Variants in PCDHGA7 observed in about 807,000 individuals in gnomAD.
PCDHGA7 encodes protocadherin gamma-A7.
A neutral mutation model predicts 58.3 loss-of-function variants in PCDHGA7; 44 were observed. The observed-to-expected ratio is 0.75, with a 90% confidence interval of 0.59 to 0.97. The LOEUF (loss-of-function observed/expected upper bound fraction) is 0.97. Among genes scored for constraint, PCDHGA7 ranks in the 50% least tolerant of loss-of-function variants. The pLI, the probability that PCDHGA7 is intolerant of heterozygous loss-of-function variation, is 0.00. For missense variants in PCDHGA7, 1,266 were observed against 1,188.7 expected (o/e 1.06, Z -0.96); for synonymous variants, 516 against 504.2 (o/e 1.02, Z -0.31).
chr5:141,489,354 G>A lies in PCDHGA7; in HGVS notation c.2425-5453G>A, dbSNP rs773010251. On this transcript the variant is annotated intron_variant, in intron 1 of 3. Coordinates refer to ENST00000518325, the MANE Select transcript of PCDHGA7 (RefSeq NM_018920.4). The surrounding 1 kb of genome is among the most constrained non-coding windows in gnomAD (Gnocchi z 4.5). ...AGCTTCGTTACTCAGTGGTGGAGGA[G>A]TCTGAGCCGGGGACGCTGGTGGGGA... The A allele has an allele frequency of 1.2e-5, 19 of 1,612,796 alleles. No homozygotes were observed. Among genetic ancestry groups the A allele is most frequent in the East Asian group, 2.2e-5 (1 of 44,868 alleles).
In PCDHGA7 at chr5:141,493,211, G is replaced by C. The variant is rs1312763933; in HGVS notation, c.2425-1596G>C. Reference sequence around the variant, plus strand: ...CTCCTTTGAGAACCTCATCTCATTTGCTCTTCCCACCATTGCTGTTGGCTA... The same window carrying C: ...CTCCTTTGAGAACCTCATCTCATTTCCTCTTCCCACCATTGCTGTTGGCTA... On this transcript the variant is annotated intron_variant, in intron 1 of 3. Transcript: ENST00000518325. The surrounding 1 kb of genome is among the most constrained non-coding windows in gnomAD (Gnocchi z 4.3). 6.6e-6 allele frequency among the ~76,000 whole-genome samples: 1 copy of C among 152,180 alleles called. No individual in the cohort carries two copies. The highest frequency in any genetic ancestry group is 2.4e-5 in the African/African-American group (1 of 41,436).
Position 141,399,846 on chromosome 5 carries a change from G to T in PCDHGA7, c.2424+14523G>T, listed in dbSNP as rs377634920. 19 of 1,612,980 alleles carry T rather than the reference G, an allele frequency of 1.2e-5. No homozygotes were observed. The highest frequency in any genetic ancestry group is 5.3e-5 in the African/African-American group (4 of 75,050). On this transcript the variant is annotated intron_variant, in intron 1 of 3. Transcript: ENST00000518325. ...CCGACGGCTCTGCGCTCTTCGATAT[G>T]GTGCCGCGCGCTGCAGAGCCCGGCT...
At chr5:141,391,203 T>C (rs77020243) in intron 1 of PCDHGA7, 3 of 152,214 alleles carry the variant, frequency 2.0e-5, no homozygotes, top group Non-Finnish European at 4.4e-5. Flanking sequence ...ATATACAAAA[T>C]ACCAAGGAAC....
chr5:141,501,947 T>A (rs2099811963), intron 2 of PCDHGA7, among the ~76,000 whole-genome samples: 1 of 152,152 alleles, frequency 6.6e-6, no homozygotes, highest in Non-Finnish European at 1.5e-5. Context: ...CTGCTCCCTG[T>A]GACAGGTCAT....
intron 1 of PCDHGA7, chr5:141,405,524 A>T (rs1430059160): frequency 7.4e-6 from 5 of 677,158 alleles, no homozygotes; most frequent in Non-Finnish European, 1.2e-5. Context: ...AATTCAAGCG[A>T]TTCTCCTGCC....
In PCDHGA7 at chr5:141,408,106, G is replaced by A. The variant is rs1474157141; in HGVS notation, c.2424+22783G>A. The A allele has an allele frequency of 8.3e-6, 12 of 1,444,288 alleles. No individual in the cohort carries two copies. In the East Asian group the frequency reaches 2.7e-4, roughly 33 times the overall value. 89.5% of individuals were successfully genotyped at this position (1,444,288 alleles called of 1,614,324 possible). On this transcript the variant is annotated intron_variant, in intron 1 of 3. Transcript: ENST00000518325. ...AGCGGATTGCCAGCTCCGAGACCCG[G>A]GACTCCTCCTGTCCTGGGCCGAATG...
chr5:141,486,011 T>C lies in PCDHGA7; in HGVS notation c.2425-8796T>C. The C allele has an allele frequency of 6.2e-7, 1 of 1,614,188 alleles. No individual in the cohort carries two copies. Among genetic ancestry groups the C allele is most frequent in the Non-Finnish European group, 8.5e-7 (1 of 1,180,014 alleles). ...GGGTCCCAGTGGTAACGTCACCTTTTATTTCAGTGGTCATACCCCTGATCG... is the reference window on the plus strand; with the variant it reads ...GGGTCCCAGTGGTAACGTCACCTTTCATTTCAGTGGTCATACCCCTGATCG... On this transcript the variant is annotated intron_variant, in intron 1 of 3. Coordinates refer to ENST00000518325, the MANE Select transcript of PCDHGA7 (RefSeq NM_018920.4). This position sits in a 1 kb window ranked among gnomAD's most constrained non-coding sequence, Gnocchi z 5.0.
At chr5:141,494,926 G>C in intron 2 of PCDHGA7, 61 bp downstream of exon 2, 2 of 1,613,498 alleles carry the variant, frequency 1.2e-6, no homozygotes, top group Non-Finnish European at 1.7e-6. Context: ...GGATGACGTG[G>C]GAGGAGATGG....
intron 1 of PCDHGA7, chr5:141,389,450 G>C: frequency 6.2e-7 from 1 of 1,610,530 alleles, no homozygotes; most frequent in Non-Finnish European, 8.5e-7. Context: ...ACCACGAGCA[G>C]CTGCGCGCCT....
intron 1 of PCDHGA7, chr5:141,441,671 C>A (rs1027440120): frequency 7.0e-6 from 2 of 287,530 alleles, no homozygotes; most frequent in South Asian, 2.9e-5. Flanking sequence ...GCGCACAGTG[C>A]GCCTTCGACC....
At chr5:141,470,485 GAAT>G (rs2099231720) in intron 1 of PCDHGA7, among the ~76,000 whole-genome samples, 1 of 152,074 alleles carries the variant, frequency 6.6e-6, no homozygotes, top group Admixed American at 6.6e-5. Context: ...AACCCTCTGG[GAAT>G]AATATTAGGT....
chr5:141,483,436 C>T, intron 1 of PCDHGA7, among the ~76,000 whole-genome samples: 1 of 152,198 alleles, frequency 6.6e-6, no homozygotes, highest in Non-Finnish European at 1.5e-5. Context: ...GAGCTGACTA[C>T]AATAAAATCA....
intron 1 of PCDHGA7, among the ~76,000 whole-genome samples, chr5:141,480,866 G>A (rs1329444129): frequency 6.6e-6 from 1 of 152,142 alleles, no homozygotes; most frequent in Non-Finnish European, 1.5e-5. Flanking sequence ...CCAATATGGT[G>A]AAACCCCGTC....
At chr5:141,437,895 A>G (rs911855268) in intron 1 of PCDHGA7, among the ~76,000 whole-genome samples, 23 of 151,954 alleles carry the variant, frequency 1.5e-4, no homozygotes, top group African/African-American at 4.8e-4. Flanking sequence ...ACGCCACCAC[A>G]CCCAGCTAAT....
intron 1 of PCDHGA7, chr5:141,423,072 G>A: frequency 1.2e-6 from 2 of 1,614,120 alleles, no homozygotes; most frequent in Non-Finnish European, 1.7e-6. Flanking sequence ...CCAGCGAGCC[G>A]GGACTCTTCG....
At position 141,384,998 on chromosome 5, in the gene PCDHGA7, T is replaced by A; in HGVS notation, c.2099T>A (p.Val700Asp). The change falls in exon 1 of 4, where the codon GTC (valine) becomes GAC (aspartate). Residue 700 changes from valine to aspartate, a missense_variant. Coordinates refer to ENST00000518325, the MANE Select transcript of PCDHGA7 (RefSeq NM_018920.4). ...TLYLVVAVATVSCVFLAFVLV... is the reference protein window; with the variant it reads ...TLYLVVAVATDSCVFLAFVLV... ...TACCTGGTGGTGGCGGTGGCCACAG[T>A]CTCCTGCGTCTTCCTAGCCTTCGTC... is the stretch of plus-strand genomic sequence containing the variant. The A allele has an allele frequency of 6.2e-7, 1 of 1,614,130 alleles. No individual in the cohort carries two copies. The highest frequency in any genetic ancestry group is 2.2e-5 in the East Asian group (1 of 44,888).
At chr5:141,399,662 C>G (rs759226157) in intron 1 of PCDHGA7, 1 of 1,613,666 alleles carries the variant, frequency 6.2e-7, no homozygotes, top group South Asian at 1.1e-5. Context: ...GTGGTGTTCG[C>G]GCAGCGCGCC....
At position 141,487,488 on chromosome 5, in the gene PCDHGA7, G is replaced by A; in HGVS notation, c.2425-7319G>A. ...GATGTGGGAGGCCACTCTCATGGCT[G>A]TACACCCTTGGCTTCTGCACCCACT... On this transcript the variant is annotated intron_variant, in intron 1 of 3. Transcript: ENST00000518325. This position sits in a 1 kb window ranked among gnomAD's most constrained non-coding sequence, Gnocchi z 5.0. The A allele has an allele frequency of 6.2e-7, 1 of 1,614,204 alleles. No homozygotes were observed. The highest frequency in any genetic ancestry group is 8.5e-7 in the Non-Finnish European group (1 of 1,180,038).
intron 1 of PCDHGA7, chr5:141,422,396 A>G (rs767394630): frequency 6.3e-6 from 10 of 1,597,278 alleles, no homozygotes; most frequent in Non-Finnish European, 8.5e-6. Flanking sequence ...ATTCCTAACC[A>G]CCTGCCTTTT....
Sources: gnomAD v4.1 joint callset for allele counts (sites outside exome capture counted in the v4.1 genomes callset) on GRCh38, gnomAD v4.1.1 for gene constraint, Gnocchi (gnomAD v3.1) non-coding constraint, MANE v1.5 for transcripts, NCBI Gene and HGNC (gene_info 2026-07-23, HGNC 2026-07-21) for gene names.